The following MYO1D variants were observed in gnomAD, a reference collection of about 807,000 sequenced individuals.
The protein encoded by MYO1D is myosin ID.
A neutral mutation model predicts 122.0 loss-of-function variants in MYO1D; 83 were observed. The ratio of observed to expected loss-of-function variants is 0.68; its 90% confidence interval spans 0.57 to 0.82. The LOEUF is 0.82. Ranked by LOEUF, MYO1D falls within the 40% of genes least tolerant of loss-of-function variation. MYO1D has a pLI of 0.00. For missense variants in MYO1D, 1,157 were observed against 1,269.5 expected, an observed-to-expected ratio of 0.91 and a Z score of 1.35; for synonymous variants, 464 against 446.9, an observed-to-expected ratio of 1.04 and a Z score of -0.48.
At chr17:32,720,995 T>G (rs773678595) in intron 15 of MYO1D, 28 bp downstream of exon 15, 9 of 1,602,956 alleles carry the variant, frequency 5.6e-6, no homozygotes, top group Non-Finnish European at 8.5e-7. Context: ...CTCAGTGAAC[T>G]AGGCCTCTCT....
At chr17:32,564,824 T>A (rs931839933) in intron 21 of MYO1D, among the ~76,000 whole-genome samples, 2 of 152,030 alleles carry the variant, frequency 1.3e-5, no homozygotes, top group African/African-American at 4.8e-5. Flanking sequence ...TAGGAACAAA[T>A]CCCCATCAGG....
At chr17:32,495,194 G>C (rs973254449) in intron 21 of MYO1D, among the ~76,000 whole-genome samples, 1 of 152,208 alleles carries the variant, frequency 6.6e-6, no homozygotes, top group African/African-American at 2.4e-5. Context: ...ACGCCACCAG[G>C]TCTCTGGCTG....
intron 16 of MYO1D, among the ~76,000 whole-genome samples, chr17:32,680,698 T>A (rs896640499): frequency 6.6e-6 from 1 of 151,922 alleles, no homozygotes; most frequent in African/African-American, 2.4e-5. Context: ...TCAATGTTCA[T>A]CAAGGATATT....
At chr17:32,633,944 G>A (rs1011650546) in intron 20 of MYO1D, among the ~76,000 whole-genome samples, 13 of 151,930 alleles carry the variant, frequency 8.6e-5, no homozygotes, top group Admixed American at 8.5e-4. Context: ...ATGTGCGTAT[G>A]TATATACATA....
At chr17:32,596,407 C>A (rs945067600) in intron 21 of MYO1D, among the ~76,000 whole-genome samples, 3 of 152,144 alleles carry the variant, frequency 2.0e-5, no homozygotes, top group Non-Finnish European at 4.4e-5. Context: ...TGGGAGGTGG[C>A]CCCATCCTCT....
intron 10 of MYO1D, among the ~76,000 whole-genome samples, chr17:32,756,049 A>G (rs760700156): frequency 3.3e-5 from 5 of 152,292 alleles, no homozygotes; most frequent in African/African-American, 4.8e-5. Flanking sequence ...AAATAACCTT[A>G]AAGTATTATC....
At chr17:32,794,685 C>A (rs1191100482) in intron 1 of MYO1D, among the ~76,000 whole-genome samples, 1 of 151,934 alleles carries the variant, frequency 6.6e-6, no homozygotes, top group Admixed American at 6.6e-5. Flanking sequence ...AGGGAAGCAG[C>A]AGTGTTTGAG....
At chr17:32,651,120 AG>A (rs1178636795) in intron 19 of MYO1D, among the ~76,000 whole-genome samples, 2 of 152,176 alleles carry the variant, frequency 1.3e-5, no homozygotes, top group East Asian at 3.8e-4. Flanking sequence ...GTCAAGGGCT[AG>A]TTATAACCCC....
At chr17:32,640,736 T>C (rs895495358) in intron 19 of MYO1D, among the ~76,000 whole-genome samples, 64 of 151,460 alleles carry the variant, frequency 4.2e-4, no homozygotes, top group Admixed American at 2.0e-3. Context: ...TGTTGGACAT[T>C]TGGGTTGGTT....
chr17:32,839,642 T>A (rs1367728641), intron 1 of MYO1D, among the ~76,000 whole-genome samples: 1 of 152,122 alleles, frequency 6.6e-6, no homozygotes, highest in Non-Finnish European at 1.5e-5. Flanking sequence ...AAGCTCACCC[T>A]ATAGGAAGAG....
At chr17:32,586,551 G>T (rs922655707) in intron 21 of MYO1D, among the ~76,000 whole-genome samples, 6 of 152,134 alleles carry the variant, frequency 3.9e-5, no homozygotes, top group African/African-American at 1.2e-4. Context: ...TTGCAAATTT[G>T]TAAGTATGTC....
chr17:32,511,187 T>G (rs867662152), intron 21 of MYO1D, among the ~76,000 whole-genome samples: 20 of 151,448 alleles, frequency 1.3e-4, no homozygotes, highest in African/African-American at 4.8e-4. Context: ...TTCCTTCTTC[T>G]ACCTCCCCTA....
chr17:32,741,984 C>G (rs1156946902), intron 13 of MYO1D, among the ~76,000 whole-genome samples: 1 of 138,732 alleles, frequency 7.2e-6, no homozygotes, highest in African/African-American at 2.7e-5. Flanking sequence ...CACTGCACTA[C>G]AGCCTGGGCG....
In MYO1D at chr17:32,745,231, G is replaced by A. The variant is rs184280157; in HGVS notation, c.1593C>T (p.Phe531=). ...CTTACCTGTTATACATAAGGCGCTT[G>A]AAATCTTGAAATAAAGTATCTTTAT... ...DKNKDTLFQD[F]KRLMYNSSNP... is the part of the protein sequence containing the mutation. Residue 531 remains phenylalanine, a synonymous_variant, in exon 13 of 22, where the codon TTC becomes TTT. Transcript: ENST00000318217. 1.8e-4 allele frequency: 278 copies of A among 1,534,092 alleles called. 1 individual carries two copies. The Middle Eastern group carries it at 2.0e-3, about 11-fold the overall frequency.
In MYO1D at chr17:32,771,094, A is replaced by G. The variant is rs12952333; in HGVS notation, c.714+31T>C. 2,118 of 1,499,220 alleles carry G rather than the reference A, an allele frequency of 1.4e-3. 15 individuals carry two copies. The African/African-American group carries it at 0.016, about 12-fold the overall frequency. The allele number at this position is 1,499,220 out of a possible 1,614,324, so 92.9% of individuals were successfully genotyped here. On this transcript the variant is annotated intron_variant, in intron 6 of 21. Transcript: ENST00000318217. The stretch of plus-strand genomic sequence containing the variant: ...CTTCTAATCCTTTGACTGATTTTCT[A>G]TTGGAGCAATCTCAAAGAGGAAATT...
At chr17:32,753,569 AG>A (rs2089919124) in intron 11 of MYO1D, among the ~76,000 whole-genome samples, 1 of 152,226 alleles carries the variant, frequency 6.6e-6, no homozygotes, top group South Asian at 2.1e-4. Context: ...ATGTCAAATC[AG>A]TAGCAAATAC....
At chr17:32,654,445 A>G in intron 18 of MYO1D, 32 bp downstream of exon 18, 4 of 1,568,630 alleles carry the variant, frequency 2.6e-6, no homozygotes, top group Non-Finnish European at 3.5e-6. Context: ...GAGGAAGTAG[A>G]AGTAGATTTC....
At chr17:32,816,015 T>C (rs914773909) in intron 1 of MYO1D, among the ~76,000 whole-genome samples, 7 of 152,192 alleles carry the variant, frequency 4.6e-5, no homozygotes, top group Non-Finnish European at 1.0e-4. Context: ...TGAAAACCAG[T>C]GGGAAGTAGC....
At chr17:32,544,897 G>C (rs1288492892) in intron 21 of MYO1D, among the ~76,000 whole-genome samples, 1 of 152,066 alleles carries the variant, frequency 6.6e-6, no homozygotes, top group Non-Finnish European at 1.5e-5. Flanking sequence ...CATTTTATTA[G>C]TTGATCTGGT....
Sources: gnomAD v4.1 joint callset for allele counts (sites outside exome capture counted in the v4.1 genomes callset) on GRCh38, gnomAD v4.1.1 for gene constraint, MANE v1.5 for transcripts, NCBI Gene and HGNC (gene_info 2026-07-23, HGNC 2026-07-21) for gene names.